Variants in DMRT1 observed in about 807,000 individuals in gnomAD.
DMRT1 encodes doublesex and mab-3 related transcription factor 1.
DMRT1 carries 7 observed loss-of-function variants against 32.3 expected under a neutral mutation model. The observed-to-expected ratio is 0.22, with a 90% CI of 0.12 to 0.41. DMRT1 has a LOEUF of 0.41. Ranked by LOEUF, DMRT1 falls within the 10% of genes least tolerant of loss-of-function variation. DMRT1 has a pLI of 1.00. For synonymous variants in DMRT1, 278 were observed against 206.1 expected (o/e 1.35, Z -2.99); for missense variants, 625 against 500.5 (o/e 1.25, Z -2.37).
At position 968,125 on chromosome 9, in the gene DMRT1, G is replaced by A. The variant is rs1023012730; in HGVS notation, c.1108G>A (p.Glu370Lys). The A allele has an allele frequency of 2.6e-5, 42 of 1,611,312 alleles. No homozygotes were observed. The highest frequency in any genetic ancestry group is 3.1e-5 in the Non-Finnish European group (37 of 1,179,934). ...CAGCTTCACAGTCACTCCCGTCATC[G>A]AGGAGGACGAGTGAGCAGTGCCTGC... ...PSSFTVTPVIEEDE is the reference protein window; with the variant it reads ...PSSFTVTPVIKEDE The change falls in exon 5 of 5, where the codon GAG becomes AAG. Residue 370 changes from glutamate (E) to lysine (K), a missense_variant. Physicochemically the swap from Glu to Lys is moderately conservative, Grantham distance 56. Around this residue, in one of 3 missense-constraint regions of DMRT1, gnomAD observed 416 missense variants for 321.6 expected, o/e 1.29. Transcript: ENST00000382276.
intron 2 of DMRT1, among the ~76,000 whole-genome samples, chr9:866,235 C>T (rs4742512): frequency 0.81 from 120,116 of 149,172 alleles, 48,770 homozygotes; most frequent in Admixed American, 0.88. Context: ...GACTCTGAGA[C>T]TGGGACGTTA....
At chr9:910,050 A>G (rs1268108525) in intron 3 of DMRT1, among the ~76,000 whole-genome samples, 1 of 152,210 alleles carries the variant, frequency 6.6e-6, no homozygotes, top group Non-Finnish European at 1.5e-5. Flanking sequence ...TCAGTTTGCA[A>G]TTAGGAATGT....
intron 3 of DMRT1, among the ~76,000 whole-genome samples, chr9:910,987 G>T (rs1817952464): frequency 6.6e-6 from 1 of 152,124 alleles, no homozygotes; most frequent in Admixed American, 6.6e-5. Context: ...AAACTGAGTG[G>T]CTCCTCTGAT....
chr9:967,227 GT>G (rs537906329), intron 4 of DMRT1, among the ~76,000 whole-genome samples: 2 of 152,304 alleles, frequency 1.3e-5, no homozygotes, highest in Non-Finnish European at 2.9e-5. Flanking sequence ...TTTTGCTTAA[GT>G]TTTTTATCTA....
intron 2 of DMRT1, among the ~76,000 whole-genome samples, chr9:855,257 A>G (rs1815348470): frequency 6.6e-6 from 1 of 151,042 alleles, no homozygotes; most frequent in African/African-American, 2.4e-5. Flanking sequence ...ACCTTTGACT[A>G]GAAAGGAAAT....
At chr9:946,116 A>T (rs1009036840) in intron 4 of DMRT1, among the ~76,000 whole-genome samples, 1 of 151,236 alleles carries the variant, frequency 6.6e-6, no homozygotes. Flanking sequence ...ATTGGCAGTC[A>T]TGTTATTTTT....
intron 3 of DMRT1, among the ~76,000 whole-genome samples, chr9:901,392 T>C (rs1276962089): frequency 1.3e-5 from 2 of 152,236 alleles, no homozygotes; most frequent in East Asian, 3.9e-4. Flanking sequence ...AGTGGCGCGA[T>C]CTCGGCTCAC....
chr9:866,781 G>C (rs1416053158), intron 2 of DMRT1, among the ~76,000 whole-genome samples: 1 of 152,194 alleles, frequency 6.6e-6, no homozygotes, highest in African/African-American at 2.4e-5. Flanking sequence ...GTAGAGTCCA[G>C]TCATCCACTT....
At chr9:940,090 T>G (rs1291521031) in intron 4 of DMRT1, among the ~76,000 whole-genome samples, 1 of 152,098 alleles carries the variant, frequency 6.6e-6, no homozygotes, top group African/African-American at 2.4e-5. Flanking sequence ...TGGAAAAAGT[T>G]GAACCATCAT....
At position 949,638 on chromosome 9, in the gene DMRT1, A is replaced by G. The variant is rs191469386; in HGVS notation, c.968-18347A>G. 1.3e-4 allele frequency among the ~76,000 whole-genome samples: 20 copies of G among 152,300 alleles called. No homozygotes were observed. The East Asian group carries it at 3.5e-3, about 26-fold the overall frequency. On this transcript the variant is annotated intron_variant, in intron 4 of 4. Coordinates refer to ENST00000382276, the MANE Select transcript of DMRT1 (RefSeq NM_021951.3). ...TTTAAGCATAAAATACAGTATTGTT[A>G]ACTGTAGGCACTAAGCTGCACAGAT... is the stretch of plus-strand genomic sequence containing the variant.
intron 2 of DMRT1, among the ~76,000 whole-genome samples, chr9:874,801 C>CTTTTTTT (rs71327354): frequency 9.1e-5 from 7 of 76,946 alleles, no homozygotes; most frequent in Non-Finnish European, 1.1e-4. Flanking sequence ...ACAAGTTAAT[C>CTTTTTTT]TTTTTTTTTT....
intron 4 of DMRT1, among the ~76,000 whole-genome samples, chr9:951,872 C>T (rs1252815850): frequency 6.6e-6 from 1 of 152,030 alleles, no homozygotes; most frequent in African/African-American, 2.4e-5. Context: ...TCAGGTAGTC[C>T]CTGGTGCCAG....
At chr9:909,009 G>C (rs1470137429) in intron 3 of DMRT1, among the ~76,000 whole-genome samples, 1 of 152,092 alleles carries the variant, frequency 6.6e-6, no homozygotes, top group African/African-American at 2.4e-5. Context: ...GCCTTTGCGG[G>C]AATCCCTTAC....
intron 2 of DMRT1, among the ~76,000 whole-genome samples, chr9:859,060 G>A (rs1815537156): frequency 6.6e-6 from 1 of 151,970 alleles, no homozygotes; most frequent in African/African-American, 2.4e-5. Context: ...ACTTATGACT[G>A]AGGCCAGTCT....
chr9:899,815 G>A (rs1271847469), intron 3 of DMRT1, among the ~76,000 whole-genome samples: 1 of 152,226 alleles, frequency 6.6e-6, no homozygotes, highest in African/African-American at 2.4e-5. Flanking sequence ...GCTATGCCTC[G>A]GATCTCCTTT....
intron 3 of DMRT1, among the ~76,000 whole-genome samples, chr9:902,029 C>T (rs1358208014): frequency 3.3e-5 from 5 of 151,028 alleles, no homozygotes; most frequent in African/African-American, 7.3e-5. Context: ...CCTGCCTCAG[C>T]GTCCTGAGTA....
chr9:886,028 G>A (rs191815403), intron 2 of DMRT1, among the ~76,000 whole-genome samples: 2,003 of 152,304 alleles, frequency 0.013, 24 homozygotes, highest in African/African-American at 0.037. Flanking sequence ...GAAAAATAGA[G>A]AGTGAGATCT....
intron 4 of DMRT1, among the ~76,000 whole-genome samples, chr9:930,656 C>A (rs1818691753): frequency 6.6e-6 from 1 of 152,034 alleles, no homozygotes; most frequent in South Asian, 2.1e-4. Context: ...GATCTGCCTG[C>A]CTCAGCTTCC....
chr9:877,272 G>T (rs899357761), intron 2 of DMRT1, among the ~76,000 whole-genome samples: 1 of 152,148 alleles, frequency 6.6e-6, no homozygotes, highest in East Asian at 1.9e-4. Context: ...TCGTTCCCAG[G>T]ATATACATAC....
Sources: allele counts gnomAD v4.1 joint callset (sites outside exome capture counted in the v4.1 genomes callset), GRCh38; gene constraint gnomAD v4.1.1; regional missense constraint gnomAD v4.1.1; transcripts MANE v1.5; gene names NCBI Gene and HGNC (gene_info 2026-07-23, HGNC 2026-07-21).